RPRD2: variants seen among roughly 807,000 people sequenced by gnomAD.
The protein encoded by RPRD2 is regulation of nuclear pre-mRNA domain-containing protein 2.
A neutral mutation model predicts 104.4 loss-of-function variants in RPRD2; 12 were observed. The ratio of observed to expected loss-of-function variants is 0.11; its 90% confidence interval spans 0.07 to 0.19. The LOEUF is 0.19. RPRD2 is among the 10% of genes least tolerant of loss of function. The probability of loss-of-function intolerance (pLI) is 1.00; values close to 1 mark genes in which losing one functional copy is unlikely to be tolerated. For synonymous variants in RPRD2, 714 were observed against 684.9 expected, an observed-to-expected ratio of 1.04 and a Z score of -0.66; for missense variants, 1,543 against 1,790.1, an observed-to-expected ratio of 0.86 and a Z score of 2.49.
chr1:150,440,061 T>C (rs1666310177), intron 2 of RPRD2, among the ~76,000 whole-genome samples: 1 of 152,156 alleles, frequency 6.6e-6, no homozygotes, highest in South Asian at 2.1e-4. Context: ...TCCTCTTGCC[T>C]CAGACTCCCA....
intron 1 of RPRD2, among the ~76,000 whole-genome samples, chr1:150,375,586 G>A (rs1660626672): frequency 6.6e-6 from 1 of 152,090 alleles, no homozygotes; most frequent in Non-Finnish European, 1.5e-5. Context: ...TCCTTGGGTT[G>A]AATGATTTTA....
intron 1 of RPRD2, among the ~76,000 whole-genome samples, chr1:150,412,027 G>A (rs1235746252): frequency 6.6e-6 from 1 of 151,778 alleles, no homozygotes; most frequent in Non-Finnish European, 1.5e-5. Context: ...AGAGGCTGAG[G>A]CACAAGAATC....
Position 150,457,414 on chromosome 1 carries a change from G to A in RPRD2, c.997G>A (p.Gly333Ser), listed in dbSNP as rs375633485. Reference sequence around the variant, plus strand: ...AAGCATGGACGCTCCCTCCCCGACTGGTTCTGAGTCTCCTTTTCAGGGAAT... The same window carrying A: ...AAGCATGGACGCTCCCTCCCCGACTAGTTCTGAGTCTCCTTTTCAGGGAAT... ...SPSMDAPSPT[G>S]SESPFQGMGG... is the part of the protein sequence containing the mutation. The change falls in exon 8 of 11, where the codon GGT becomes AGT. Residue 333 changes from glycine to serine, a missense_variant. By Grantham distance (56) the Gly-to-Ser change is moderately conservative. Around this residue, in one of 4 missense-constraint regions of RPRD2, gnomAD observed 572 missense variants for 787.3 expected, o/e 0.73. Coordinates refer to ENST00000369068, the MANE Select transcript of RPRD2 (RefSeq NM_015203.5). 1.2e-6 allele frequency: 2 copies of A among 1,613,774 alleles called. No homozygotes were observed. The highest frequency in any genetic ancestry group is 2.7e-5 in the African/African-American group (2 of 74,890).
chr1:150,404,871 A>T lies in RPRD2; in HGVS notation c.206-12725A>T, dbSNP rs1553886188. On this transcript the variant is annotated intron_variant, in intron 1 of 10. Transcript: ENST00000369068. ...TCATTTTAATATTTATTGCACCTTTAGTGCATGTCTCTCCATTATTACATA... is the reference window on the plus strand; with the variant it reads ...TCATTTTAATATTTATTGCACCTTTTGTGCATGTCTCTCCATTATTACATA... Among the ~76,000 whole-genome samples, 3 of 152,178 alleles carry T rather than the reference A, an allele frequency of 2.0e-5. No homozygotes were observed. In the East Asian group the frequency reaches 5.8e-4, roughly 29 times the overall value.
intron 1 of RPRD2, among the ~76,000 whole-genome samples, chr1:150,402,925 G>A (rs981618015): frequency 1.3e-5 from 2 of 151,220 alleles, no homozygotes; most frequent in South Asian, 2.1e-4. Flanking sequence ...CCGAGATCGC[G>A]CCACTGCACT....
At chr1:150,418,267 A>G (rs1463701853) in intron 2 of RPRD2, among the ~76,000 whole-genome samples, 2 of 151,972 alleles carry the variant, frequency 1.3e-5, no homozygotes, top group Non-Finnish European at 2.9e-5. Flanking sequence ...GTGCCTGGCC[A>G]TGTTTTTCTT....
Position 150,472,982 on chromosome 1 carries a change from G to C in RPRD2, c.4034G>C (p.Gly1345Ala). The C allele has an allele frequency of 6.2e-7, 1 of 1,613,964 alleles. No homozygotes were observed. Among genetic ancestry groups the C allele is most frequent in the Non-Finnish European group, 8.5e-7 (1 of 1,179,858 alleles). ...TLAEHFGVLP[G>A]PRDHGGPTQR... ...GCTGAGCATTTTGGGGTACTCCCAG[G>C]ACCCAGGGACCACGGGGGCCCCACC... Residue 1345 changes from glycine to alanine, a missense_variant, in exon 11 of 11, where the codon GGA becomes GCA. Physicochemically the swap from Gly to Ala is moderately conservative, Grantham distance 60. Coordinates refer to ENST00000369068, the MANE Select transcript of RPRD2 (RefSeq NM_015203.5).
intron 1 of RPRD2, among the ~76,000 whole-genome samples, chr1:150,403,326 A>G (rs1220639046): frequency 1.3e-5 from 2 of 152,182 alleles, no homozygotes; most frequent in African/African-American, 4.8e-5. Context: ...AGTGGCATGA[A>G]GAACATTAAC....
At chr1:150,407,888 C>G (rs16836786) in intron 1 of RPRD2, among the ~76,000 whole-genome samples, 7,233 of 151,994 alleles carry the variant, frequency 0.048, 434 homozygotes, top group African/African-American at 0.13. Context: ...ACGATCTAAT[C>G]TAAACTAGTT....
In RPRD2 at chr1:150,387,566, CCTTT is replaced by C. The variant is rs1661664044; in HGVS notation, c.205+22648_205+22651del. Among the ~76,000 whole-genome samples the C allele has an allele frequency of 3.8e-3, 268 of 70,110 alleles. 58 individuals carry two copies. The highest frequency in any genetic ancestry group is 0.012 in the Middle Eastern group (1 of 82). 46.0% of individuals were successfully genotyped at this position (70,110 alleles called of 152,430 possible). A position where few individuals can be genotyped will look rare whatever the true frequency, so the allele number is the denominator to read the frequency against. On this transcript the variant is annotated intron_variant, in intron 1 of 10. Coordinates refer to ENST00000369068, the MANE Select transcript of RPRD2 (RefSeq NM_015203.5). ...TAAATCTTACAGAAGTTGCAACAGA[CCTTT>C]TTTTTTTTTTTTTTTTTTTTTTTTT... is the stretch of plus-strand genomic sequence containing the variant.
intron 1 of RPRD2, among the ~76,000 whole-genome samples, chr1:150,378,764 C>T (rs1286669874): frequency 2.6e-5 from 4 of 152,036 alleles, no homozygotes; most frequent in African/African-American, 9.7e-5. Flanking sequence ...GGGTGGATCA[C>T]ATGAGGTCAG....
At position 150,471,917 on chromosome 1, in the gene RPRD2, C is replaced by T. The variant is rs776268975; in HGVS notation, c.2969C>T (p.Thr990Met). The change falls in exon 11 of 11, where the codon ACG becomes ATG. Residue 990 changes from threonine to methionine, a missense_variant. By Grantham distance (81) the Thr-to-Met change is moderately conservative. Around this residue, in one of 4 missense-constraint regions of RPRD2, gnomAD observed 880 missense variants for 885.6 expected, o/e 0.99. Coordinates refer to ENST00000369068, the MANE Select transcript of RPRD2 (RefSeq NM_015203.5). This position sits in a 1 kb window ranked among gnomAD's most constrained non-coding sequence, Gnocchi z 5.3. ...GCCGCTCCCACGGGTCACCCACCCACGTCAGGCGTGGAGAAAGTCCTGGCC... is the reference window on the plus strand; with the variant it reads ...GCCGCTCCCACGGGTCACCCACCCATGTCAGGCGTGGAGAAAGTCCTGGCC... ...TLAAPTGHPP[T>M]SGVEKVLAST... is the part of the protein sequence containing the mutation. The T allele has an allele frequency of 2.1e-5, 34 of 1,613,926 alleles. No individual in the cohort carries two copies. Among genetic ancestry groups the T allele is most frequent in the Middle Eastern group, 1.6e-4 (1 of 6,062 alleles).
intron 1 of RPRD2, among the ~76,000 whole-genome samples, chr1:150,392,508 T>C (rs985349187): frequency 9.2e-5 from 14 of 151,906 alleles, no homozygotes; most frequent in Non-Finnish European, 1.5e-4. Context: ...CCAAAAAAAA[T>C]TGGGTAAAAA....
chr1:150,393,062 A>G (rs149171342), intron 1 of RPRD2, among the ~76,000 whole-genome samples: 9 of 152,310 alleles, frequency 5.9e-5, no homozygotes, highest in African/African-American at 2.2e-4. Context: ...GTGGCTATAT[A>G]GAGAGACATA....
intron 10 of RPRD2, among the ~76,000 whole-genome samples, chr1:150,466,126 C>T (rs1039120138): frequency 1.3e-5 from 2 of 151,816 alleles, no homozygotes; most frequent in Non-Finnish European, 2.9e-5. Context: ...CGCCTGTAAT[C>T]CCAGCACTTT....
intron 1 of RPRD2, among the ~76,000 whole-genome samples, chr1:150,405,678 C>G (rs936151902): frequency 6.6e-6 from 1 of 152,126 alleles, no homozygotes; most frequent in Non-Finnish European, 1.5e-5. Context: ...TACAGTTTCA[C>G]TTTCCTGGTT....
At chr1:150,457,253 T>G (rs1667597727) in intron 7 of RPRD2, 35 bp from the exon 8 acceptor site, 1 of 1,578,856 alleles carries the variant, frequency 6.3e-7, no homozygotes, top group African/African-American at 1.4e-5. Flanking sequence ...TTTCTGGTCT[T>G]TTTCCAAGGA....
chr1:150,401,372 C>T (rs1662987814), intron 1 of RPRD2, among the ~76,000 whole-genome samples: 1 of 151,936 alleles, frequency 6.6e-6, no homozygotes, highest in East Asian at 2.0e-4. Context: ...CCTGTAGTTA[C>T]AGCTACTCGG....
intron 1 of RPRD2, among the ~76,000 whole-genome samples, chr1:150,382,787 G>A (rs1426803822): frequency 1.3e-5 from 2 of 152,122 alleles, no homozygotes; most frequent in African/African-American, 4.8e-5. Context: ...AGTGCACCCT[G>A]ATCATGCCTG....
Sources: gnomAD v4.1 joint callset for allele counts (sites outside exome capture counted in the v4.1 genomes callset) on GRCh38, gnomAD v4.1.1 for gene constraint, gnomAD v4.1.1 regional missense constraint, Gnocchi (gnomAD v3.1) non-coding constraint, MANE v1.5 for transcripts, NCBI Gene and HGNC (gene_info 2026-07-23, HGNC 2026-07-21) for gene names.